The following SOX5 variants were observed in gnomAD, a reference collection of about 807,000 sequenced individuals.
SOX5 encodes the protein transcription factor SOX-5.
In SOX5, 9 loss-of-function variants were observed where a neutral mutation model predicts 92.0. That is an observed-to-expected ratio of 0.10 (90% confidence interval 0.06 to 0.17). The LOEUF (loss-of-function observed/expected upper bound fraction) is 0.17, where lower values mean the gene tolerates loss of function less well. SOX5 is among the 10% of genes least tolerant of loss of function. SOX5 has a pLI of 1.00. For synonymous variants in SOX5, 344 were observed against 336.3 expected (o/e 1.02, Z -0.25); for missense variants, 642 against 944.5 (o/e 0.68, Z 4.20).
At chr12:24,020,638 A>C (rs190362125) in intron 4 of SOX5, among the ~76,000 whole-genome samples, 217 of 152,292 alleles carry the variant, frequency 1.4e-3, no homozygotes, top group Admixed American at 2.6e-3. Flanking sequence ...CTCATGTTGG[A>C]TTAATAACTC....
intron 4 of SOX5, among the ~76,000 whole-genome samples, chr12:24,204,308 CATT>C (rs1555173282): frequency 4.0e-5 from 6 of 148,400 alleles, no homozygotes; most frequent in African/African-American, 9.8e-5. Context: ...TTTATTTTTC[CATT>C]ATTATTATTA....
intron 1 of SOX5, among the ~76,000 whole-genome samples, chr12:23,936,863 T>A (rs559055134): frequency 6.6e-6 from 1 of 151,064 alleles, no homozygotes; most frequent in Non-Finnish European, 1.5e-5. Flanking sequence ...TCTTTGAACC[T>A]ATGTCTTGGA....
At chr12:23,813,740 A>G (rs959804145) in intron 3 of SOX5, among the ~76,000 whole-genome samples, 3 of 152,144 alleles carry the variant, frequency 2.0e-5, no homozygotes, top group African/African-American at 7.2e-5. Flanking sequence ...GGAAGTTCAT[A>G]ATTTCTGAGT....
intron 8 of SOX5, among the ~76,000 whole-genome samples, chr12:23,612,716 A>G (rs571417257): frequency 6.6e-4 from 100 of 152,300 alleles, no homozygotes; most frequent in African/African-American, 2.3e-3. Context: ...GTTTAAATAA[A>G]ACCTAAAAAG....
intron 4 of SOX5, among the ~76,000 whole-genome samples, chr12:23,979,721 T>G (rs1032496238): frequency 8.4e-6 from 1 of 118,486 alleles, no homozygotes; most frequent in African/African-American, 3.1e-5. Flanking sequence ...TTTTTTTTTT[T>G]TTTTTTTTTT....
rs1555456188 is a variant in SOX5 at position 23,970,841 on chromosome 12, A to ATTTTTTTTTTTTT, written c.-1-74830_-1-74818dup. Among the ~76,000 whole-genome samples the ATTTTTTTTTTTTT allele has an allele frequency of 1.8e-4, 4 of 21,884 alleles. 1 individual carries two copies. The highest frequency in any genetic ancestry group is 4.1e-4 in the Non-Finnish European group (4 of 9,706). 14.4% of individuals were successfully genotyped at this position (21,884 alleles called of 152,430 possible). ...ACATGGGACTTTATATATATATATA[A>ATTTTTTTTTTTTT]TTTTTTTTTTTTTTTAAGAAATGGG... On this transcript the variant is annotated intron_variant, in intron 4 of 4. Transcript: ENST00000446891.
intron 4 of SOX5, among the ~76,000 whole-genome samples, chr12:23,987,638 C>T (rs990228296): frequency 2.6e-5 from 4 of 152,078 alleles, no homozygotes; most frequent in African/African-American, 9.7e-5. Flanking sequence ...ACAAAAAGTA[C>T]AAAAATTAGC....
intron 4 of SOX5, among the ~76,000 whole-genome samples, chr12:24,051,936 CA>C: frequency 6.6e-6 from 1 of 152,298 alleles, no homozygotes; most frequent in East Asian, 1.9e-4. Flanking sequence ...CAAAGATTAT[CA>C]ATATCCATTT....
intron 13 of SOX5, among the ~76,000 whole-genome samples, chr12:23,538,635 A>G (rs1461429086): frequency 6.6e-6 from 1 of 152,116 alleles, no homozygotes; most frequent in Admixed American, 6.5e-5. Context: ...TCTTCCAAGC[A>G]TTTATACCAG....
At chr12:23,564,486 T>C (rs949164082) in intron 10 of SOX5, among the ~76,000 whole-genome samples, 1 of 152,170 alleles carries the variant, frequency 6.6e-6, no homozygotes, top group Non-Finnish European at 1.5e-5. Flanking sequence ...CATTGGTGAA[T>C]TGTGACAGAT....
intron 2 of SOX5, among the ~76,000 whole-genome samples, chr12:23,849,716 A>C (rs1004391057): frequency 1.3e-5 from 2 of 152,216 alleles, no homozygotes; most frequent in Admixed American, 1.3e-4. Flanking sequence ...AATTAAATCA[A>C]CCACATTCCA....
chr12:24,396,266 AT>A (rs1168481701), intron 1 of SOX5, among the ~76,000 whole-genome samples: 5 of 152,134 alleles, frequency 3.3e-5, no homozygotes, highest in African/African-American at 1.2e-4. Context: ...CTCGTCCTTC[AT>A]TGTACCCTGT....
intron 4 of SOX5, among the ~76,000 whole-genome samples, chr12:23,982,271 A>G (rs914611777): frequency 1.3e-5 from 2 of 152,208 alleles, no homozygotes; most frequent in Non-Finnish European, 2.9e-5. Flanking sequence ...CACCCTCACC[A>G]GAATAGATGC....
At chr12:24,442,587 T>A (rs1451508148) in intron 1 of SOX5, among the ~76,000 whole-genome samples, 1 of 152,170 alleles carries the variant, frequency 6.6e-6, no homozygotes, top group Non-Finnish European at 1.5e-5. Context: ...GAGACGTTAA[T>A]GAGAAAGTCA....
At chr12:24,534,802 G>A (rs1292765660) in intron 1 of SOX5, among the ~76,000 whole-genome samples, 1 of 152,206 alleles carries the variant, frequency 6.6e-6, no homozygotes, top group Non-Finnish European at 1.5e-5. Flanking sequence ...CTTCTTCATG[G>A]TGCTCCCAGG....
At chr12:24,557,685 C>T (rs1294615418) in intron 1 of SOX5, among the ~76,000 whole-genome samples, 1 of 152,120 alleles carries the variant, frequency 6.6e-6, no homozygotes, top group African/African-American at 2.4e-5. Flanking sequence ...AAGCTATGTA[C>T]ATAGGATATC....
chr12:23,855,805 G>C (rs914924942), intron 2 of SOX5, among the ~76,000 whole-genome samples: 4 of 152,084 alleles, frequency 2.6e-5, no homozygotes, highest in Admixed American at 1.3e-4. Flanking sequence ...GAAAAAGTCT[G>C]TAAAACATAT....
intron 1 of SOX5, among the ~76,000 whole-genome samples, chr12:23,942,178 G>A (rs1943773121): frequency 6.6e-6 from 1 of 151,668 alleles, no homozygotes; most frequent in Admixed American, 6.6e-5. Context: ...TTTTTATCTT[G>A]TGTTCTCCTA....
chr12:24,062,302 T>A (rs1427620758), intron 4 of SOX5, among the ~76,000 whole-genome samples: 1 of 152,222 alleles, frequency 6.6e-6, no homozygotes, highest in African/African-American at 2.4e-5. Context: ...GATTTCTACC[T>A]TTATTTCTAA....
Sources: allele counts gnomAD v4.1 joint callset (sites outside exome capture counted in the v4.1 genomes callset), GRCh38; gene constraint gnomAD v4.1.1; transcripts MANE v1.5; gene names NCBI Gene and HGNC (gene_info 2026-07-23, HGNC 2026-07-21).